Variants in FOXF2 observed in about 807,000 individuals in gnomAD.
FOXF2 encodes the protein forkhead box F2.
A neutral mutation model predicts 29.1 loss-of-function variants in FOXF2; 15 were observed. The ratio of observed to expected loss-of-function variants is 0.52; its 90% CI spans 0.35 to 0.79. The LOEUF is 0.79. Ranked by LOEUF, FOXF2 falls within the 30% of genes least tolerant of loss-of-function variation. The pLI is 0.01. For missense variants in FOXF2, 675 were observed against 667.1 expected, an observed-to-expected ratio of 1.01 and a Z score of -0.13; for synonymous variants, 337 against 316.5, an observed-to-expected ratio of 1.06 and a Z score of -0.69.
At chr6:1,391,437 C>T (rs562458178) in intron 1 of FOXF2, among the ~76,000 whole-genome samples, 1 of 152,370 alleles carries the variant, frequency 6.6e-6, no homozygotes, top group African/African-American at 2.4e-5. Flanking sequence ...TTCAGAGTCT[C>T]ACTTAGCTTG....
At position 1,389,884 on chromosome 6, in the gene FOXF2, T is replaced by C; in HGVS notation, c.-64T>C. 1.8e-6 allele frequency: 1 copy of C among 562,442 alleles called. No homozygotes were observed. The highest frequency in any genetic ancestry group is 2.2e-6 in the Non-Finnish European group (1 of 446,688). The allele number at this position is 562,442 out of a possible 1,614,324, so 34.8% of individuals were successfully genotyped here. A position where few individuals can be genotyped will look rare whatever the true frequency, so the allele number is the denominator to read the frequency against. On this transcript the variant is annotated 5_prime_UTR_variant, in exon 1 of 2. Transcript: ENST00000645481. Reference sequence around the variant, plus strand: ...CGCAGGGCTTCTGGGCCGACCCCGCTCCGGCGCCTCCGCTTCCCGCCCGGG... The same window carrying C: ...CGCAGGGCTTCTGGGCCGACCCCGCCCCGGCGCCTCCGCTTCCCGCCCGGG...
At position 1,394,954 on chromosome 6, in the gene FOXF2, T is replaced by G. The variant is rs1240916066; in HGVS notation, c.*95T>G. The stretch of plus-strand genomic sequence containing the variant: ...CGGATTCAAGTCACATGCACGCGGA[T>G]AGCAGTAAGCCACACACCTGCCACT... On this transcript the variant is annotated 3_prime_UTR_variant, in exon 2 of 2. Transcript: ENST00000645481. The G allele has an allele frequency of 7.7e-7, 1 of 1,295,950 alleles. No homozygotes were observed. The highest frequency in any genetic ancestry group is 1.1e-6 in the Non-Finnish European group (1 of 900,102). The allele number at this position is 1,295,950 out of a possible 1,614,324, so 80.3% of individuals were successfully genotyped here.
rs370260507 is a variant in FOXF2 at position 1,394,822 on chromosome 6, A to C, written c.1298A>C (p.Gln433Pro). 7 of 1,614,072 alleles carry C rather than the reference A, an allele frequency of 4.3e-6. No individual in the cohort carries two copies. Among genetic ancestry groups the C allele is most frequent in the Non-Finnish European group, 5.9e-6 (7 of 1,180,038 alleles). ...ASGSYYHHHH[Q>P]SVCQDIKPCV... is the part of the protein sequence containing the mutation. ...GGGTCGTATTATCACCATCACCACC[A>C]GAGCGTCTGTCAGGATATTAAGCCC... Residue 433 changes from glutamine (Q) to proline (P), a missense_variant, in exon 2 of 2, where the codon CAG (glutamine) becomes CCG (proline). This residue lies in a region of FOXF2 where 451 missense variants were observed against 437.2 expected (regional missense o/e 1.03). Transcript: ENST00000645481.
chr6:1,390,172 C>T lies in FOXF2; in HGVS notation c.225C>T (p.Ser75=), dbSNP rs767494112. ...SASAPSAACK[S]AGGGGAGAGS... ...GCGCCCCCTCGGCTGCCTGCAAGAG[C>T]GCGGGCGGCGGCGGCGCGGGCGCCG... Residue 75 remains serine (S), a synonymous_variant, in exon 1 of 2, where the codon AGC becomes AGT. Transcript: ENST00000645481. This position sits in a 1 kb window ranked among gnomAD's most constrained non-coding sequence, Gnocchi z 8.5. 2 of 1,459,498 alleles carry T rather than the reference C, an allele frequency of 1.4e-6. No homozygotes were observed. Among genetic ancestry groups the T allele is most frequent in the Non-Finnish European group, 1.8e-6 (2 of 1,103,080 alleles). The allele number at this position is 1,459,498 out of a possible 1,614,324, so 90.4% of individuals were successfully genotyped here.
chr6:1,390,107 G>A lies in FOXF2; in HGVS notation c.160G>A (p.Ala54Thr). 2.1e-6 allele frequency: 3 copies of A among 1,422,794 alleles called. 1 individual carries two copies. The South Asian group carries it at 4.1e-5, about 19-fold the overall frequency. The allele number at this position is 1,422,794 out of a possible 1,614,324, so 88.1% of individuals were successfully genotyped here. ...TTSSSSSSSS[A>T]SCASSSSSSN... ...CTCCTCCTCCTCGTCGTCGTCCTCC[G>A]CCTCCTGCGCCTCGTCCTCGTCCTC... Residue 54 changes from alanine (A) to threonine (T), a missense_variant, in exon 1 of 2, where the codon GCC becomes ACC. Physicochemically the swap from Ala to Thr is moderately conservative, Grantham distance 58. Around this residue, in one of 3 missense-constraint regions of FOXF2, gnomAD observed 220 missense variants for 205.5 expected, o/e 1.07. Coordinates refer to ENST00000645481, the MANE Select transcript of FOXF2 (RefSeq NM_001452.2). The surrounding 1 kb of genome is among the most constrained non-coding windows in gnomAD (Gnocchi z 8.5).
chr6:1,390,142 G>C lies in FOXF2; in HGVS notation c.195G>C (p.Ser65=). 1 of 1,453,980 alleles carries C rather than the reference G, an allele frequency of 6.9e-7. No homozygotes were observed. Among genetic ancestry groups the C allele is most frequent in the Middle Eastern group, 2.2e-4 (1 of 4,620 alleles). The allele number at this position is 1,453,980 out of a possible 1,614,324, so 90.1% of individuals were successfully genotyped here. A position where few individuals can be genotyped will look rare whatever the true frequency, so the allele number is the denominator to read the frequency against. Residue 65 remains serine, a synonymous_variant, in exon 1 of 2, where the codon TCG becomes TCC. Coordinates refer to ENST00000645481, the MANE Select transcript of FOXF2 (RefSeq NM_001452.2). This position sits in a 1 kb window ranked among gnomAD's most constrained non-coding sequence, Gnocchi z 8.5. ...SCASSSSSSN[S]ASAPSAACKS... ...CCTCGTCCTCGTCCTCCTCCAATTC[G>C]GCCAGCGCCCCCTCGGCTGCCTGCA...
chr6:1,390,975 C>T lies in FOXF2; in HGVS notation c.1028C>T (p.Pro343Leu), dbSNP rs752913667. The T allele has an allele frequency of 1.7e-5, 27 of 1,594,676 alleles. No homozygotes were observed. Among genetic ancestry groups the T allele is most frequent in the East Asian group, 2.2e-5 (1 of 44,580 alleles). Residue 343 changes from proline to leucine, a missense_variant, in exon 1 of 2, where the codon CCT (proline) becomes CTT (leucine). By Grantham distance (98) the Pro-to-Leu change is moderately conservative. This residue lies in a region of FOXF2 where 451 missense variants were observed against 437.2 expected (regional missense o/e 1.03). Transcript: ENST00000645481. This position sits in a 1 kb window ranked among gnomAD's most constrained non-coding sequence, Gnocchi z 8.5. ...YTSPAAHWSSPGASPYLKQPP... is the reference protein window; with the variant it reads ...YTSPAAHWSSLGASPYLKQPP... ...AGCCCTGCGGCGCACTGGAGCTCGC[C>T]TGGCGCCTCGCCTTACCTCAAGCAG...
rs762858189 is a variant in FOXF2 at position 1,390,599 on chromosome 6, G to A, written c.652G>A (p.Ala218Thr). The change falls in exon 1 of 2, where the codon GCG becomes ACG. Residue 218 changes from alanine (A) to threonine (T), a missense_variant. Around this residue, in one of 3 missense-constraint regions of FOXF2, gnomAD observed 451 missense variants for 437.2 expected, o/e 1.03. Coordinates refer to ENST00000645481, the MANE Select transcript of FOXF2 (RefSeq NM_001452.2). The surrounding 1 kb of genome is among the most constrained non-coding windows in gnomAD (Gnocchi z 8.5). ...HRVVSGLGFG[A>T]SLLPQGFDFQ... Reference sequence around the variant, plus strand: ...CGTGGTGAGCGGCTTGGGCTTCGGGGCGTCGCTGCTGCCCCAGGGCTTCGA... The same window carrying A: ...CGTGGTGAGCGGCTTGGGCTTCGGGACGTCGCTGCTGCCCCAGGGCTTCGA... 9 of 1,596,102 alleles carry A rather than the reference G, an allele frequency of 5.6e-6. No homozygotes were observed. The highest frequency in any genetic ancestry group is 8.5e-7 in the Non-Finnish European group (1 of 1,176,500).
rs752400045 is a variant in FOXF2 at position 1,391,063 on chromosome 6, CT to C, written c.1117del (p.Ser373ProfsTer105). The C allele has an allele frequency of 1.2e-6, 2 of 1,602,942 alleles. No homozygotes were observed. Among genetic ancestry groups the C allele is most frequent in the Non-Finnish European group, 1.7e-6 (2 of 1,179,126 alleles). ...CGGCAGGCCTGCACTCCAGCATGTC[CT>C]CCTACTCGCTGGAGCAGAGCTACTT... ...ASAGLHSSMS[S>X]YSLEQSYLHQ... On this transcript the variant is annotated frameshift_variant, in exon 1 of 2. Coordinates refer to ENST00000645481, the MANE Select transcript of FOXF2 (RefSeq NM_001452.2). LOFTEE classifies it high-confidence loss of function.
intron 1 of FOXF2, among the ~76,000 whole-genome samples, chr6:1,393,650 C>A (rs577876116): frequency 6.6e-6 from 1 of 152,276 alleles, no homozygotes; most frequent in East Asian, 1.9e-4. Context: ...CCCGGCGGGC[C>A]GTGGTTACGG....
chr6:1,394,911 G>T lies in FOXF2; in HGVS notation c.*52G>T, dbSNP rs750067354. 1 of 1,592,824 alleles carries T rather than the reference G, an allele frequency of 6.3e-7. No homozygotes were observed. Among genetic ancestry groups the T allele is most frequent in the Middle Eastern group, 1.7e-4 (1 of 6,000 alleles). On this transcript the variant is annotated 3_prime_UTR_variant, in exon 2 of 2. Transcript: ENST00000645481. ...TCTCTCCTCTCCCCTCCTCAGAGGGGGCAGATAGAAACTGGGACGGATTCA... is the reference window on the plus strand; with the variant it reads ...TCTCTCCTCTCCCCTCCTCAGAGGGTGCAGATAGAAACTGGGACGGATTCA...
At chr6:1,392,176 G>C (rs1014094717) in intron 1 of FOXF2, among the ~76,000 whole-genome samples, 1 of 152,212 alleles carries the variant, frequency 6.6e-6, no homozygotes, top group African/African-American at 2.4e-5. Flanking sequence ...GGGAGCACCC[G>C]GGGAGAAGGA....
intron 1 of FOXF2, among the ~76,000 whole-genome samples, chr6:1,394,252 G>T (rs1027002038): frequency 1.3e-5 from 2 of 152,170 alleles, no homozygotes; most frequent in Non-Finnish European, 2.9e-5. Context: ...AAAGAAGGCC[G>T]CAGTGGTGTT....
intron 1 of FOXF2, 61 bp downstream of exon 1, chr6:1,391,179 G>A (rs1251112978): frequency 1.3e-6 from 2 of 1,582,728 alleles, no homozygotes; most frequent in Non-Finnish European, 1.7e-6. Context: ...TCCAGGGCTG[G>A]CGGCCACTGC....
chr6:1,390,850 GGGCGGC>G lies in FOXF2; in HGVS notation c.914_919del (p.Gly305_Gly306del), dbSNP rs58230522. The G allele has an allele frequency of 3.5e-6, 5 of 1,418,230 alleles. No homozygotes were observed. Among genetic ancestry groups the G allele is most frequent in the South Asian group, 1.6e-5 (1 of 63,174 alleles). The allele number at this position is 1,418,230 out of a possible 1,614,324, so 87.9% of individuals were successfully genotyped here. A position where few individuals can be genotyped will look rare whatever the true frequency, so the allele number is the denominator to read the frequency against. ...GACCCGGGGGCGTCGGTGCGGCCGGGGGCGGCGGCGGCGGCGACTACGGGCCGGACA... is the reference window on the plus strand; with the variant it reads ...GACCCGGGGGCGTCGGTGCGGCCGGGGGCGGCGGCGACTACGGGCCGGACA... On this transcript the variant is annotated inframe_deletion, in exon 1 of 2. Coordinates refer to ENST00000645481, the MANE Select transcript of FOXF2 (RefSeq NM_001452.2). The surrounding 1 kb of genome is among the most constrained non-coding windows in gnomAD (Gnocchi z 8.5).
intron 1 of FOXF2, among the ~76,000 whole-genome samples, chr6:1,393,323 C>G (rs1397812255): frequency 6.6e-6 from 1 of 152,000 alleles, no homozygotes. Flanking sequence ...TCTGTCATCC[C>G]GCTCAGCACA....
In FOXF2 at chr6:1,395,144, G is replaced by A. The variant is rs1241121084; in HGVS notation, c.*285G>A. ...GATGTGCCATGCGTAAGGCATCAAC[G>A]TGTATCTGTGGGATCTTCGTTGCCT... On this transcript the variant is annotated 3_prime_UTR_variant, in exon 2 of 2. Coordinates refer to ENST00000645481, the MANE Select transcript of FOXF2 (RefSeq NM_001452.2). The A allele has an allele frequency of 2.3e-5, 11 of 476,974 alleles. No homozygotes were observed. Among genetic ancestry groups the A allele is most frequent in the East Asian group, 3.8e-5 (1 of 26,318 alleles). The allele number at this position is 476,974 out of a possible 1,614,324, so 29.5% of individuals were successfully genotyped here. A position where few individuals can be genotyped will look rare whatever the true frequency, so the allele number is the denominator to read the frequency against.
rs1758907621 is a variant in FOXF2 at position 1,395,509 on chromosome 6, AAGG to A, written c.*655_*657del. The A allele has an allele frequency of 2.0e-5, 3 of 153,074 alleles. No individual in the cohort carries two copies. The highest frequency in any genetic ancestry group is 4.8e-5 in the African/African-American group (2 of 41,566). The allele number at this position is 153,074 out of a possible 1,614,324, so 9.5% of individuals were successfully genotyped here. A position where few individuals can be genotyped will look rare whatever the true frequency, so the allele number is the denominator to read the frequency against. On this transcript the variant is annotated 3_prime_UTR_variant, in exon 2 of 2. Transcript: ENST00000645481. ...TACTCACACTTTGCTTGTATTTTAA[AAGG>A]AGGATATATTTGCACTTATGTATAC...
At position 1,390,855 on chromosome 6, in the gene FOXF2, G is replaced by A; in HGVS notation, c.908G>A (p.Gly303Asp). The A allele has an allele frequency of 6.9e-7, 1 of 1,439,742 alleles. No individual in the cohort carries two copies. Among genetic ancestry groups the A allele is most frequent in the Non-Finnish European group, 9.0e-7 (1 of 1,106,590 alleles). 89.2% of individuals were successfully genotyped at this position (1,439,742 alleles called of 1,614,324 possible). Reference sequence around the variant, plus strand: ...GGGGGCGTCGGTGCGGCCGGGGGCGGCGGCGGCGGCGACTACGGGCCGGAC... The same window carrying A: ...GGGGGCGTCGGTGCGGCCGGGGGCGACGGCGGCGGCGACTACGGGCCGGAC... ...GPGGVGAAGG[G>D]GGGDYGPDSS... Residue 303 changes from glycine (G) to aspartate (D), a missense_variant, in exon 1 of 2, where the codon GGC (glycine) becomes GAC (aspartate). Coordinates refer to ENST00000645481, the MANE Select transcript of FOXF2 (RefSeq NM_001452.2). The surrounding 1 kb of genome is among the most constrained non-coding windows in gnomAD (Gnocchi z 8.5).
Sources: gnomAD v4.1 joint callset for allele counts (sites outside exome capture counted in the v4.1 genomes callset) on GRCh38, gnomAD v4.1.1 for gene constraint, gnomAD v4.1.1 regional missense constraint, Gnocchi (gnomAD v3.1) non-coding constraint, MANE v1.5 for transcripts, NCBI Gene and HGNC (gene_info 2026-07-23, HGNC 2026-07-21) for gene names.